The following DOCK11 variants were observed in gnomAD, a reference collection of about 807,000 sequenced individuals.
DOCK11 encodes dedicator of cytokinesis 11, also known as dedicator of cytokinesis protein 11.
In DOCK11, 70 loss-of-function variants were observed where a neutral mutation model predicts 169.1. The ratio of observed to expected loss-of-function variants is 0.41; its 90% CI spans 0.34 to 0.51. The LOEUF (loss-of-function observed/expected upper bound fraction) is 0.51. Ranked by LOEUF, DOCK11 falls within the 20% of genes least tolerant of loss-of-function variation. The pLI is 0.10. For synonymous variants in DOCK11, 529 were observed against 541.3 expected (o/e 0.98, Z 0.32); for missense variants, 1,166 against 1,538.8 (o/e 0.76, Z 4.05).
At chrX:118,541,124 T>G (rs746982216) in intron 1 of DOCK11, among the ~76,000 whole-genome samples, 2 of 111,378 alleles carry the variant, frequency 1.8e-5, no homozygotes, top group African/African-American at 6.5e-5. Context: ...AGAGGTGAAA[T>G]AGATGGTATA....
intron 10 of DOCK11, chrX:118,569,485 A>G (rs1455978796): frequency 9.0e-6 from 1 of 111,203 alleles, no homozygotes; most frequent in Non-Finnish European, 1.9e-5. Flanking sequence ...TGAACAATCA[A>G]TTGAGATAAC....
intron 35 of DOCK11, chrX:118,632,969 T>C (rs867249605): frequency 5.6e-5 from 2 of 35,830 alleles, no homozygotes; most frequent in African/African-American, 3.0e-4. Context: ...TGGGGGGCGG[T>C]GGGGGGGGGG....
At chrX:118,579,242 T>C (rs1304342507) in intron 13 of DOCK11, among the ~76,000 whole-genome samples, 2 of 112,106 alleles carry the variant, frequency 1.8e-5, no homozygotes, top group East Asian at 5.5e-4. Flanking sequence ...ATATTAAAAG[T>C]TGGCAACCCT....
At chrX:118,569,244 C>T (rs928574492) in intron 10 of DOCK11, among the ~76,000 whole-genome samples, 1 of 108,311 alleles carries the variant, frequency 9.2e-6, no homozygotes, top group African/African-American at 3.4e-5. Context: ...AGGCATGCAC[C>T]ACCACGCCCG....
intron 44 of DOCK11, among the ~76,000 whole-genome samples, chrX:118,656,517 C>T (rs747175037): frequency 9.0e-6 from 1 of 110,877 alleles, no homozygotes; most frequent in Non-Finnish European, 1.9e-5. Flanking sequence ...TTTTAAAAAT[C>T]ACTGGTATGC....
chrX:118,648,563 T>C (rs1415034699), intron 40 of DOCK11, among the ~76,000 whole-genome samples: 2 of 93,489 alleles, frequency 2.1e-5, no homozygotes, highest in East Asian at 6.0e-4. Flanking sequence ...AAATTATATA[T>C]ATTATATACA....
chrX:118,543,287 A>G (rs186371031), intron 3 of DOCK11, among the ~76,000 whole-genome samples: 23 of 111,726 alleles, frequency 2.1e-4, no homozygotes, highest in Admixed American at 4.8e-4. Flanking sequence ...TTGGATTTGA[A>G]TACTCTTTGC....
intron 1 of DOCK11, chrX:118,538,730 T>C (rs563337048): frequency 1.4e-6 from 1 of 714,354 alleles, no homozygotes; most frequent in South Asian, 7.2e-5. Context: ...TTTGGAGTTA[T>C]GAAAAAGCAC....
At chrX:118,536,718 A>C (rs766971565) in intron 1 of DOCK11, among the ~76,000 whole-genome samples, 1 of 111,736 alleles carries the variant, frequency 8.9e-6, no homozygotes, top group African/African-American at 3.3e-5. Context: ...TACCTTCCCC[A>C]CGAGACTGTG....
intron 1 of DOCK11, among the ~76,000 whole-genome samples, chrX:118,505,604 A>G (rs1460372568): frequency 8.9e-6 from 1 of 112,345 alleles, no homozygotes; most frequent in Non-Finnish European, 1.9e-5. Context: ...CTGGAAGAAC[A>G]AGCTGGCAGA....
chrX:118,597,517 G>A lies in DOCK11; in HGVS notation c.2350G>A (p.Gly784Ser), dbSNP rs2014204129. 6 of 1,211,318 alleles carry A rather than the reference G, an allele frequency of 5.0e-6. No individual in the cohort carries two copies. In the East Asian group the frequency reaches 1.8e-4, roughly 36 times the overall value. The change falls in exon 21 of 53, where the codon GGC (glycine) becomes AGC (serine). Residue 784 changes from glycine (G) to serine (S), a missense_variant. By Grantham distance (56) the Gly-to-Ser change is moderately conservative. Transcript: ENST00000276202. ...QLPVSANLPP[G>S]YLNLNDAESR... is the part of the protein sequence containing the mutation. ...GCCAGTTTCCGCCAATCTTCCCCCA[G>A]GCTACTTGAATCTGAATGATGCAGA...
At chrX:118,597,971 A>T (rs2014220468) in intron 21 of DOCK11, 59 bp from the exon 22 acceptor site, 3 of 891,141 alleles carry the variant, frequency 3.4e-6, no homozygotes, top group Non-Finnish European at 4.7e-6. Context: ...GCATAAAGGT[A>T]TTATATGTTA....
intron 12 of DOCK11, among the ~76,000 whole-genome samples, chrX:118,575,708 G>A (rs187982466): frequency 1.2e-4 from 14 of 112,408 alleles, no homozygotes; most frequent in African/African-American, 4.5e-4. Flanking sequence ...GCTTCTGAAA[G>A]AGGGATGGAG....
intron 1 of DOCK11, among the ~76,000 whole-genome samples, chrX:118,536,394 C>T (rs991209205): frequency 5.4e-5 from 6 of 111,790 alleles, no homozygotes; most frequent in Non-Finnish European, 1.9e-5. Context: ...TGGCATCTCT[C>T]ACTTCTGTGA....
chrX:118,658,302 A>G lies in DOCK11; in HGVS notation c.4969+3341A>G, dbSNP rs146689943. Among the ~76,000 whole-genome samples, 115 of 112,751 alleles carry G rather than the reference A, an allele frequency of 1.0e-3. 1 individual carries two copies. Among genetic ancestry groups the G allele is most frequent in the African/African-American group, 3.6e-3 (112 of 31,084 alleles). On this transcript the variant is annotated intron_variant, in intron 44 of 52. Transcript: ENST00000276202. ...ATTCCTAACCAGTTTCTCTTGAAGT[A>G]CATTATAAAACATTTTTAAATCAAG...
intron 37 of DOCK11, among the ~76,000 whole-genome samples, chrX:118,638,957 A>G (rs1056745835): frequency 7.1e-5 from 8 of 112,819 alleles, no homozygotes; most frequent in Non-Finnish European, 1.5e-4. Flanking sequence ...ATTAAAGTAA[A>G]ACAAAGAAAA....
chrX:118,662,442 A>G (rs781169784), intron 44 of DOCK11, among the ~76,000 whole-genome samples: 2 of 112,632 alleles, frequency 1.8e-5, no homozygotes, highest in Non-Finnish European at 3.8e-5. Flanking sequence ...TGAAGATGAT[A>G]CATAGTCAAA....
intron 20 of DOCK11, among the ~76,000 whole-genome samples, chrX:118,594,220 GA>G (rs1432969305): frequency 1.8e-5 from 2 of 112,124 alleles, no homozygotes; most frequent in East Asian, 5.6e-4. Flanking sequence ...AGCAGAAATA[GA>G]AGGCCTTGTG....
intron 1 of DOCK11, among the ~76,000 whole-genome samples, chrX:118,510,848 G>T (rs1415477359): frequency 8.9e-6 from 1 of 111,896 alleles, no homozygotes; most frequent in Non-Finnish European, 1.9e-5. Context: ...GAAGCAGAAG[G>T]AAGGACTGGA....
Sources: gnomAD v4.1 joint callset for allele counts (sites outside exome capture counted in the v4.1 genomes callset) on GRCh38, gnomAD v4.1.1 for gene constraint, MANE v1.5 for transcripts, NCBI Gene and HGNC (gene_info 2026-07-23, HGNC 2026-07-21) for gene names.